Variants in KIAA1549 observed in about 807,000 individuals in gnomAD.
KIAA1549 encodes the protein KIAA1549, also known as UPF0606 protein KIAA1549.
KIAA1549 carries 70 observed loss-of-function variants against 156.4 expected under a neutral mutation model. The ratio of observed to expected loss-of-function variants is 0.45; its 90% CI spans 0.37 to 0.55. The LOEUF (loss-of-function observed/expected upper bound fraction) is 0.55. Among genes scored for constraint, KIAA1549 ranks in the 20% least tolerant of loss-of-function variants. The pLI is 0.00. For missense variants in KIAA1549, 2,428 were observed against 2,540.9 expected (o/e 0.96, Z 0.96); for synonymous variants, 1,103 against 1,066.4 (o/e 1.03, Z -0.67).
At chr7:138,891,043 C>T (rs138613078) in intron 10 of KIAA1549, among the ~76,000 whole-genome samples, 42 of 152,336 alleles carry the variant, frequency 2.8e-4, no homozygotes, top group Non-Finnish European at 4.4e-4. Flanking sequence ...GGTAGAAGTA[C>T]CCCACCACTG....
rs199547264 is a variant in KIAA1549, at chr7:138,907,002, G to A, written c.3377C>T (p.Ser1126Leu). The A allele has an allele frequency of 3.5e-5, 56 of 1,613,510 alleles. 2 individuals are homozygous for A. Among genetic ancestry groups the A allele is most frequent in the African/African-American group, 2.1e-4 (16 of 74,946 alleles). The change falls in exon 6 of 20, where the codon TCG (serine) becomes TTG (leucine). Residue 1126 changes from serine to leucine, a missense_variant. Coordinates refer to ENST00000422774, the MANE Select transcript of KIAA1549 (RefSeq NM_001164665.2). ...VKSTQGFLNG[S>L]EVSELLRNLS... ...GTTTCTGAGCAGCTCGCTCACTTCC[G>A]ACCCATTCAAAAATCCCTGTGTGCT...
Position 138,861,124 on chromosome 7 carries a change from A to G in KIAA1549, c.5247+15T>C, listed in dbSNP as rs545570868. On this transcript the variant is annotated intron_variant, in intron 16 of 19. Coordinates refer to ENST00000422774, the MANE Select transcript of KIAA1549 (RefSeq NM_001164665.2). ...CATCTTGCCCATCAGAGAATTCTAG[A>G]AGGCCAGTACTTACACTGCAGGGAT... 4.3e-6 allele frequency: 7 copies of G among 1,613,062 alleles called. No homozygotes were observed. The African/African-American group carries it at 5.3e-5, about 12-fold the overall frequency.
intron 16 of KIAA1549, among the ~76,000 whole-genome samples, chr7:138,859,008 A>AACAC (rs57352970): frequency 0.16 from 22,767 of 142,118 alleles, 2,034 homozygotes; most frequent in Non-Finnish European, 0.21. Context: ...TCCATCTCAA[A>AACAC]ACACACACAC....
chr7:138,858,691 T>C (rs765844796), intron 16 of KIAA1549, among the ~76,000 whole-genome samples: 6 of 152,038 alleles, frequency 3.9e-5, no homozygotes, highest in Non-Finnish European at 7.4e-5. Context: ...AAAGGAACCA[T>C]ATCCCTCTGC....
Position 138,956,600 on chromosome 7 carries a change from CTT to C in KIAA1549, c.187+24481_187+24482del, listed in dbSNP as rs200891664. On this transcript the variant is annotated intron_variant, in intron 1 of 19. Transcript: ENST00000422774. ...CCCTTTCGCTTGGCTCTCATTCTCT[CTT>C]GTCTGCCACCATGTAAGACGTGCCT... 6.9e-3 allele frequency among the ~76,000 whole-genome samples: 1,046 copies of C among 152,276 alleles called. 21 individuals are homozygous for C. Among genetic ancestry groups the C allele is most frequent in the African/African-American group, 0.024 (1,005 of 41,536 alleles).
rs548722697 is a variant in KIAA1549, at chr7:138,919,495, G to A, written c.188-57C>T. 2.6e-5 allele frequency: 41 copies of A among 1,554,130 alleles called. No individual in the cohort carries two copies. In the South Asian group the frequency reaches 3.9e-4, roughly 15 times the overall value. On this transcript the variant is annotated intron_variant, in intron 1 of 19. Coordinates refer to ENST00000422774, the MANE Select transcript of KIAA1549 (RefSeq NM_001164665.2). ...ATGCATTGGAAGTCACACAGCTAAC[G>A]TTTTGTTTCAGGCATGAGAATTTAC...
chr7:138,888,667 T>C (rs967198746), intron 10 of KIAA1549, among the ~76,000 whole-genome samples: 17 of 152,240 alleles, frequency 1.1e-4, no homozygotes, highest in African/African-American at 1.9e-4. Context: ...GATGTATGTA[T>C]GGGCAGATGA....
intron 9 of KIAA1549, among the ~76,000 whole-genome samples, chr7:138,898,318 A>G (rs1811747515): frequency 6.6e-6 from 1 of 151,840 alleles, no homozygotes; most frequent in South Asian, 2.1e-4. Flanking sequence ...AAAAAAAAAA[A>G]AAAAAGCAAA....
intron 1 of KIAA1549, among the ~76,000 whole-genome samples, chr7:138,964,429 C>T (rs1316670671): frequency 6.6e-6 from 1 of 152,228 alleles, no homozygotes; most frequent in Non-Finnish European, 1.5e-5. Context: ...TTTTCCTCAT[C>T]TGTAAAATGG....
chr7:138,883,089 T>TAAA (rs1201752539), intron 10 of KIAA1549, among the ~76,000 whole-genome samples: 14,915 of 46,852 alleles, frequency 0.32, 4,577 homozygotes, highest in Middle Eastern at 0.46. Context: ...CCATCTCCCC[T>TAAA]AAAAAAAAAA....
intron 1 of KIAA1549, among the ~76,000 whole-genome samples, chr7:138,972,651 G>A (rs1279140773): frequency 1.3e-5 from 2 of 151,816 alleles, no homozygotes; most frequent in East Asian, 1.9e-4. Context: ...CATTACCTTG[G>A]ACTTCACTCC....
At chr7:138,901,173 T>C (rs569051215) in intron 8 of KIAA1549, among the ~76,000 whole-genome samples, 2 of 152,212 alleles carry the variant, frequency 1.3e-5, no homozygotes, top group East Asian at 1.9e-4. Flanking sequence ...GCAAAAAATA[T>C]ATATAAAGAA....
Position 138,907,045 on chromosome 7 carries a change from T to A in KIAA1549, c.3334A>T (p.Ile1112Phe). 1 of 1,613,418 alleles carries A rather than the reference T, an allele frequency of 6.2e-7. No individual in the cohort carries two copies. The highest frequency in any genetic ancestry group is 2.2e-5 in the East Asian group (1 of 44,858). ...RVTPRRGPVN[I>F]IFAVKSTQGF... is the part of the protein sequence containing the mutation. ...TGTGTGCTTTTAACCGCAAAGATGA[T>A]ATTCACCGGGCCCCGCCGAGGAGTC... Residue 1112 changes from isoleucine (I) to phenylalanine (F), a missense_variant, in exon 6 of 20, where the codon ATC becomes TTC. Ile to Phe is a conservative substitution (Grantham distance 21). Around this residue, in one of 5 missense-constraint regions of KIAA1549, gnomAD observed 762 missense variants for 901.6 expected, o/e 0.85. Transcript: ENST00000422774.
At chr7:138,970,207 G>A (rs972651396) in intron 1 of KIAA1549, among the ~76,000 whole-genome samples, 4 of 152,274 alleles carry the variant, frequency 2.6e-5, no homozygotes, top group Admixed American at 2.6e-4. Context: ...CCACAGACAT[G>A]TGGGTTGCTT....
At chr7:138,877,930 C>G (rs1347824778) in intron 12 of KIAA1549, among the ~76,000 whole-genome samples, 1 of 152,132 alleles carries the variant, frequency 6.6e-6, no homozygotes, top group Non-Finnish European at 1.5e-5. Context: ...AATGCAGGCA[C>G]TGAAAGTAAG....
intron 1 of KIAA1549, among the ~76,000 whole-genome samples, chr7:138,937,957 G>A (rs1813066499): frequency 6.6e-6 from 1 of 152,184 alleles, no homozygotes; most frequent in Non-Finnish European, 1.5e-5. Context: ...GCCGCAGTCA[G>A]GAGGGGCCAC....
At position 138,919,052 on chromosome 7, in the gene KIAA1549, G is replaced by A; in HGVS notation, c.574C>T (p.Pro192Ser). Residue 192 changes from proline (P) to serine (S), a missense_variant, in exon 2 of 20, where the codon CCT (proline) becomes TCT (serine). Pro to Ser is a moderately conservative substitution (Grantham distance 74). This residue lies in a region of KIAA1549 where 893 missense variants were observed against 847.9 expected (regional missense o/e 1.05). Coordinates refer to ENST00000422774, the MANE Select transcript of KIAA1549 (RefSeq NM_001164665.2). ...PPGLPREALE[P>S]MLTPSLPMVS... ...ATGGGTAATGATGGAGTGAGCATAG[G>A]TTCTAATGCTTCCCTGGGCAGCCCT... The A allele has an allele frequency of 6.2e-7, 1 of 1,614,026 alleles. No homozygotes were observed. The highest frequency in any genetic ancestry group is 8.5e-7 in the Non-Finnish European group (1 of 1,179,898).
rs138056405 is a variant in KIAA1549, at chr7:138,921,722, G to A, written c.188-2284C>T. ...TCCACTAAAAATACAAAAATTAGCC[G>A]GGTATGGTGGCACACACCTGTCATC... On this transcript the variant is annotated intron_variant, in intron 1 of 19. Coordinates refer to ENST00000422774, the MANE Select transcript of KIAA1549 (RefSeq NM_001164665.2). Among the ~76,000 whole-genome samples, 1,030 of 152,076 alleles carry A rather than the reference G, an allele frequency of 6.8e-3. 15 individuals carry two copies. The highest frequency in any genetic ancestry group is 0.023 in the African/African-American group (969 of 41,472).
At chr7:138,953,189 C>G (rs1813549802) in intron 1 of KIAA1549, among the ~76,000 whole-genome samples, 1 of 152,084 alleles carries the variant, frequency 6.6e-6, no homozygotes, top group Non-Finnish European at 1.5e-5. Context: ...AACCTCATCT[C>G]TACTAAAAAT....
Sources: gnomAD v4.1 joint callset for allele counts (sites outside exome capture counted in the v4.1 genomes callset) on GRCh38, gnomAD v4.1.1 for gene constraint, gnomAD v4.1.1 regional missense constraint, MANE v1.5 for transcripts, NCBI Gene and HGNC (gene_info 2026-07-23, HGNC 2026-07-21) for gene names.